NIPAL2: variants seen among roughly 807,000 people sequenced by gnomAD.
The protein encoded by NIPAL2 is NIPA like domain containing 2, also known as NIPA-like protein 2.
NIPAL2 carries 43 observed loss-of-function variants against 48.9 expected under a neutral mutation model. The observed-to-expected ratio is 0.88, with a 90% CI of 0.69 to 1.13. NIPAL2 has a LOEUF of 1.13. NIPAL2 is among the 50% of genes most tolerant of loss of function. The probability of loss-of-function intolerance (pLI) is 0.00; values close to 1 mark genes in which losing one functional copy is unlikely to be tolerated. For synonymous variants in NIPAL2, 167 were observed against 174.6 expected (o/e 0.96, Z 0.34); for missense variants, 446 against 461.4 (o/e 0.97, Z 0.31).
At chr8:98,288,375 A>AT (rs1816305153) in intron 1 of NIPAL2, among the ~76,000 whole-genome samples, 1 of 150,484 alleles carries the variant, frequency 6.6e-6, no homozygotes, top group Non-Finnish European at 1.5e-5. Flanking sequence ...TGAACTCATC[A>AT]TTTTTTATGG....
intron 5 of NIPAL2, among the ~76,000 whole-genome samples, chr8:98,218,950 A>G (rs1349726807): frequency 6.6e-6 from 1 of 152,238 alleles, no homozygotes; most frequent in Non-Finnish European, 1.5e-5. Flanking sequence ...CTGCTGACAC[A>G]GTCCAAACAA....
intron 6 of NIPAL2, among the ~76,000 whole-genome samples, chr8:98,208,913 A>T (rs1467647121): frequency 6.6e-6 from 1 of 152,200 alleles, no homozygotes; most frequent in Non-Finnish European, 1.5e-5. Context: ...TCATGGATAC[A>T]ACATGACTTT....
chr8:98,199,042 C>T (rs1332126674), intron 8 of NIPAL2, among the ~76,000 whole-genome samples: 8 of 151,552 alleles, frequency 5.3e-5, no homozygotes, highest in East Asian at 1.9e-4. Flanking sequence ...CTGCAACCTC[C>T]GCCTCCTGGG....
At chr8:98,202,848 A>C (rs886803017) in intron 8 of NIPAL2, among the ~76,000 whole-genome samples, 9 of 152,220 alleles carry the variant, frequency 5.9e-5, no homozygotes, top group East Asian at 3.8e-4. Flanking sequence ...TTTCAGCTCC[A>C]ATATAAGAAA....
intron 1 of NIPAL2, among the ~76,000 whole-genome samples, chr8:98,275,209 G>T (rs772078277): frequency 2.6e-5 from 4 of 151,882 alleles, no homozygotes; most frequent in Non-Finnish European, 4.4e-5. Flanking sequence ...ATCACAATAT[G>T]CATCTGTACC....
At chr8:98,218,871 T>G (rs1811706574) in intron 5 of NIPAL2, among the ~76,000 whole-genome samples, 1 of 152,152 alleles carries the variant, frequency 6.6e-6, no homozygotes, top group African/African-American at 2.4e-5. Context: ...CTGGTCAGGT[T>G]TGTTTATTAG....
At chr8:98,216,207 T>G (rs1811565168) in intron 5 of NIPAL2, among the ~76,000 whole-genome samples, 4 of 152,222 alleles carry the variant, frequency 2.6e-5, no homozygotes. Flanking sequence ...TGAGGTGTAT[T>G]GGCCTGTGCA....
chr8:98,244,225 T>G (rs1813146271), intron 3 of NIPAL2, among the ~76,000 whole-genome samples: 3 of 136,296 alleles, frequency 2.2e-5, no homozygotes, highest in African/African-American at 2.7e-5. Flanking sequence ...GAGGGGGGTG[T>G]GGGCCACAGT....
At chr8:98,284,422 A>T (rs199627402) in intron 1 of NIPAL2, among the ~76,000 whole-genome samples, 3,166 of 130,448 alleles carry the variant, frequency 0.024, 53 homozygotes, top group African/African-American at 0.064. Flanking sequence ...TCTCTCTCAC[A>T]CACACACACA....
chr8:98,285,794 AG>A (rs1691514861), intron 1 of NIPAL2, among the ~76,000 whole-genome samples: 1 of 152,150 alleles, frequency 6.6e-6, no homozygotes, highest in Admixed American at 6.6e-5. Context: ...ATGGTAGGGA[AG>A]CCGAATTCAA....
At chr8:98,254,959 C>G (rs1813790656) in intron 1 of NIPAL2, among the ~76,000 whole-genome samples, 1 of 152,196 alleles carries the variant, frequency 6.6e-6, no homozygotes, top group Non-Finnish European at 1.5e-5. Context: ...TTGACTTTCT[C>G]AGATTCTAAG....
chr8:98,199,510 G>A (rs930709522), intron 8 of NIPAL2, among the ~76,000 whole-genome samples: 1 of 152,126 alleles, frequency 6.6e-6, no homozygotes, highest in Non-Finnish European at 1.5e-5. Context: ...CCAAGGGGAA[G>A]GAGAGAGATG....
intron 1 of NIPAL2, among the ~76,000 whole-genome samples, chr8:98,267,097 C>A (rs948129597): frequency 6.6e-6 from 1 of 151,994 alleles, no homozygotes; most frequent in African/African-American, 2.4e-5. Flanking sequence ...GTTATTGCAA[C>A]ATTCATTTTG....
chr8:98,281,508 C>T (rs563372510), intron 1 of NIPAL2, among the ~76,000 whole-genome samples: 13 of 152,144 alleles, frequency 8.5e-5, no homozygotes, highest in South Asian at 6.3e-4. Context: ...TTGTTTGTAA[C>T]GCAATTATAA....
chr8:98,276,799 G>A (rs538618621), intron 1 of NIPAL2, among the ~76,000 whole-genome samples: 149 of 144,636 alleles, frequency 1.0e-3, no homozygotes, highest in Middle Eastern at 3.6e-3. Flanking sequence ...TTTTGAGACA[G>A]TCTCACTCTG....
chr8:98,194,449 C>G (rs1356348769), intron 10 of NIPAL2, among the ~76,000 whole-genome samples: 1 of 152,118 alleles, frequency 6.6e-6, no homozygotes, highest in Non-Finnish European at 1.5e-5. Context: ...TTTTCTCTAC[C>G]CTTTTCCAAT....
chr8:98,287,185 C>T (rs1816225670), intron 1 of NIPAL2, among the ~76,000 whole-genome samples: 1 of 152,134 alleles, frequency 6.6e-6, no homozygotes, highest in African/African-American at 2.4e-5. Flanking sequence ...GGGTGGTGGT[C>T]CTACTGGTTG....
intron 1 of NIPAL2, among the ~76,000 whole-genome samples, chr8:98,286,044 G>C (rs780795847): frequency 3.3e-5 from 5 of 152,160 alleles, no homozygotes; most frequent in Admixed American, 1.3e-4. Context: ...TTCATGAGCG[G>C]ATTAATGTCT....
chr8:98,226,733 G>C (rs1812196823), intron 4 of NIPAL2, among the ~76,000 whole-genome samples: 1 of 152,166 alleles, frequency 6.6e-6, no homozygotes, highest in Admixed American at 6.5e-5. Flanking sequence ...ACAGCACTGG[G>C]TCTTGCTCAA....
Sources: gnomAD v4.1 joint callset for allele counts (sites outside exome capture counted in the v4.1 genomes callset) on GRCh38, gnomAD v4.1.1 for gene constraint, MANE v1.5 for transcripts, NCBI Gene and HGNC (gene_info 2026-07-23, HGNC 2026-07-21) for gene names.